SHCBP1: variants seen among roughly 807,000 people sequenced by gnomAD.
The protein encoded by SHCBP1 is SHC binding and spindle associated 1.
A neutral mutation model predicts 75.1 loss-of-function variants in SHCBP1; 60 were observed. The ratio of observed to expected loss-of-function variants is 0.80; its 90% CI spans 0.65 to 0.99. SHCBP1 has a LOEUF of 0.99. SHCBP1 is among the 50% of genes least tolerant of loss of function. The probability of loss-of-function intolerance (pLI) is 0.00; values close to 1 mark genes in which losing one functional copy is unlikely to be tolerated. For missense variants in SHCBP1, 709 were observed against 809.4 expected (o/e 0.88, Z 1.50); for synonymous variants, 290 against 293.2 (o/e 0.99, Z 0.11).
rs563232236 is a variant in SHCBP1, at chr16:46,620,015, C to T, written c.103+1242G>A. 2.6e-5 allele frequency among the ~76,000 whole-genome samples: 4 copies of T among 152,022 alleles called. No homozygotes were observed. In the East Asian group the frequency reaches 5.8e-4, roughly 22 times the overall value. On this transcript the variant is annotated intron_variant, in intron 1 of 12. Coordinates refer to ENST00000303383, the MANE Select transcript of SHCBP1 (RefSeq NM_024745.5). Reference sequence around the variant, plus strand: ...GTGTGCCACTGCACTCCAGCCTGGGCAACAGAGTGAGACTCTGCCTCAAAA... The same window carrying T: ...GTGTGCCACTGCACTCCAGCCTGGGTAACAGAGTGAGACTCTGCCTCAAAA...
At chr16:46,593,405 T>A (rs184840323) in intron 10 of SHCBP1, among the ~76,000 whole-genome samples, 1 of 152,308 alleles carries the variant, frequency 6.6e-6, no homozygotes, top group East Asian at 1.9e-4. Context: ...ACAACATTTG[T>A]ATGCTGAAGA....
intron 4 of SHCBP1, among the ~76,000 whole-genome samples, chr16:46,610,449 T>G (rs1263938040): frequency 2.0e-5 from 3 of 151,754 alleles, no homozygotes; most frequent in South Asian, 2.1e-4. Flanking sequence ...AAATCGCTGT[T>G]AGCCTACACA....
chr16:46,599,927 T>G lies in SHCBP1; in HGVS notation c.1249A>C (p.Arg417=), dbSNP rs1013524299. 1 of 1,613,522 alleles carries G rather than the reference T, an allele frequency of 6.2e-7. No homozygotes were observed. Among genetic ancestry groups the G allele is most frequent in the Middle Eastern group, 1.7e-4 (1 of 6,056 alleles). The change falls in exon 9 of 13, where the codon AGG becomes CGG. Residue 417 remains arginine (R), a synonymous_variant. Coordinates refer to ENST00000303383, the MANE Select transcript of SHCBP1 (RefSeq NM_024745.5). The stretch of plus-strand genomic sequence containing the variant: ...TCCACAAAAGTGTCGCCTTTGCCCC[T>G]CTTTTCTATCACAATGTCATCTGGT... ...GLPDDIVIEK[R]GKGDTFVDCT...
chr16:46,600,058 G>A, intron 8 of SHCBP1, 96 bp from the exon 9 acceptor site: 1 of 1,344,382 alleles, frequency 7.4e-7, no homozygotes, highest in South Asian at 1.4e-5. Context: ...AATGACTGCA[G>A]ATGATAATGA....
chr16:46,600,644 G>A (rs950348953), intron 8 of SHCBP1, among the ~76,000 whole-genome samples: 1 of 152,102 alleles, frequency 6.6e-6, no homozygotes, highest in African/African-American at 2.4e-5. Context: ...CTCTTAAACA[G>A]TTGGCTTAAA....
chr16:46,621,355 G>A lies in SHCBP1; in HGVS notation c.5C>T (p.Ala2Val), dbSNP rs1965590499. The A allele has an allele frequency of 6.2e-7, 1 of 1,610,874 alleles. No homozygotes were observed. Among genetic ancestry groups the A allele is most frequent in the South Asian group, 1.1e-5 (1 of 90,964 alleles). Residue 2 changes from alanine to valine, a missense_variant, in exon 1 of 13, where the codon GCT (alanine) becomes GTT (valine). Ala to Val is a moderately conservative substitution (Grantham distance 64, BLOSUM62 0). Transcript: ENST00000303383. Reference protein sequence around the residue: MADGSLTGGGLE... With the variant: MVDGSLTGGGLE... The stretch of plus-strand genomic sequence containing the variant: ...ACCGCCGCCCGTCAGCGACCCGTCA[G>A]CCATTTCAAATTTCCGCGGACGGCA...
Position 46,616,038 on chromosome 16 carries a change from C to T in SHCBP1, c.504G>A (p.Leu168=). The T allele has an allele frequency of 6.2e-7, 1 of 1,614,180 alleles. No homozygotes were observed. The highest frequency in any genetic ancestry group is 8.5e-7 in the Non-Finnish European group (1 of 1,180,008). ...TMECMKELLD[L]KEHRLPLQEL... ...CCTGCAGGGGCAACCGATGCTCCTT[C>T]AGATCAAGGAGCTCCTTCATGCACT... Residue 168 remains leucine, a synonymous_variant, in exon 4 of 13, where the codon CTG becomes CTA. Transcript: ENST00000303383. The surrounding 1 kb of genome is among the most constrained non-coding windows in gnomAD (Gnocchi z 4.4).
intron 9 of SHCBP1, among the ~76,000 whole-genome samples, chr16:46,596,026 G>A (rs1377989166): frequency 6.6e-6 from 1 of 152,120 alleles, no homozygotes; most frequent in Non-Finnish European, 1.5e-5. Flanking sequence ...TTACTCCCAT[G>A]TGGAGATAAC....
In SHCBP1 at chr16:46,618,125, G is replaced by A. The variant is rs532920965; in HGVS notation, c.271+80C>T. ...TGGGAGGCGGAGGTTGCGGTGAGCC[G>A]AGATCGCACCATCGCACTCCAGCCT... On this transcript the variant is annotated intron_variant, in intron 2 of 12. Coordinates refer to ENST00000303383, the MANE Select transcript of SHCBP1 (RefSeq NM_024745.5). 12 of 1,392,872 alleles carry A rather than the reference G, an allele frequency of 8.6e-6. No individual in the cohort carries two copies. In the East Asian group the frequency reaches 2.2e-4, roughly 25 times the overall value. The allele number at this position is 1,392,872 out of a possible 1,614,324, so 86.3% of individuals were successfully genotyped here. A position where few individuals can be genotyped will look rare whatever the true frequency, so the allele number is the denominator to read the frequency against.
At chr16:46,587,845 A>G (rs1335790487) in intron 10 of SHCBP1, among the ~76,000 whole-genome samples, 1 of 152,186 alleles carries the variant, frequency 6.6e-6, no homozygotes. Flanking sequence ...CTCCACCCCA[A>G]ATCAACAAAA....
Position 46,615,215 on chromosome 16 carries a change from C to A in SHCBP1, c.596+731G>T, listed in dbSNP as rs982867692. On this transcript the variant is annotated intron_variant, in intron 4 of 12. Coordinates refer to ENST00000303383, the MANE Select transcript of SHCBP1 (RefSeq NM_024745.5). The stretch of plus-strand genomic sequence containing the variant: ...CTTTATTATAAGATAATACACATAA[C>A]ATAGAAAATATGTCCTAATCAACTA... Among the ~76,000 whole-genome samples, 125 of 152,160 alleles carry A rather than the reference C, an allele frequency of 8.2e-4. 7 individuals are homozygous for A. The highest frequency in any genetic ancestry group is 1.5e-5 in the Non-Finnish European group (1 of 68,042).
In SHCBP1 at chr16:46,609,442, C is replaced by CTTT. The variant is rs71158875; in HGVS notation, c.597-1056_597-1054dup. On this transcript the variant is annotated intron_variant, in intron 4 of 12. Coordinates refer to ENST00000303383, the MANE Select transcript of SHCBP1 (RefSeq NM_024745.5). The stretch of plus-strand genomic sequence containing the variant: ...TCATCAGCATCCACACTTTTCTTTT[C>CTTT]TTTTTTTTTTTTTTTTTTTTTTTTT... Among the ~76,000 whole-genome samples the CTTT allele has an allele frequency of 1.6e-3, 101 of 61,338 alleles. 9 individuals are homozygous for CTTT. Among genetic ancestry groups the CTTT allele is most frequent in the Non-Finnish European group, 1.8e-3 (66 of 35,936 alleles). The allele number at this position is 61,338 out of a possible 152,430, so 40.2% of individuals were successfully genotyped here. A position where few individuals can be genotyped will look rare whatever the true frequency, so the allele number is the denominator to read the frequency against.
intron 8 of SHCBP1, among the ~76,000 whole-genome samples, chr16:46,602,614 C>A (rs991965048): frequency 1.3e-5 from 2 of 152,080 alleles, no homozygotes; most frequent in Non-Finnish European, 2.9e-5. Flanking sequence ...TCTAAATGAA[C>A]AATAAGATTA....
chr16:46,606,979 C>A (rs1965335421), intron 5 of SHCBP1, among the ~76,000 whole-genome samples: 1 of 152,104 alleles, frequency 6.6e-6, no homozygotes, highest in South Asian at 2.1e-4. Flanking sequence ...CCCTAACACA[C>A]CCAGCTAATT....
chr16:46,610,553 T>TTTTTTTTTTTTTC, intron 4 of SHCBP1, among the ~76,000 whole-genome samples: 1 of 101,194 alleles, frequency 9.9e-6, no homozygotes, highest in Non-Finnish European at 2.0e-5. Context: ...AATTTTTTTT[T>TTTTTTTTTTTTTC]TTTTTTTTTT....
intron 5 of SHCBP1, among the ~76,000 whole-genome samples, chr16:46,605,609 C>G (rs963560038): frequency 6.6e-6 from 1 of 152,048 alleles, no homozygotes; most frequent in Non-Finnish European, 1.5e-5. Context: ...AACAAACAAA[C>G]AAACAAACAG....
chr16:46,599,692 ACTCAGC>A, intron 9 of SHCBP1, 133 bp downstream of exon 9: 1 of 367,316 alleles, frequency 2.7e-6, no homozygotes, highest in Non-Finnish European at 4.7e-6. Context: ...AAAAAAAAAA[ACTCAGC>A]ATCGTGAAGT....
At chr16:46,592,820 T>C (rs1366990471) in intron 10 of SHCBP1, among the ~76,000 whole-genome samples, 1 of 151,698 alleles carries the variant, frequency 6.6e-6, no homozygotes, top group Non-Finnish European at 1.5e-5. Flanking sequence ...TAACCCACCA[T>C]TTTCTGTTTT....
chr16:46,617,813 C>T (rs1171488877), intron 2 of SHCBP1, 64 bp from the exon 3 acceptor site: 3 of 1,246,014 alleles, frequency 2.4e-6, no homozygotes, highest in Non-Finnish European at 2.3e-6. Context: ...TTAATAAATC[C>T]ACTTTCTCAG....
Sources: gnomAD v4.1 joint callset for allele counts (sites outside exome capture counted in the v4.1 genomes callset) on GRCh38, gnomAD v4.1.1 for gene constraint, Gnocchi (gnomAD v3.1) non-coding constraint, MANE v1.5 for transcripts, NCBI Gene and HGNC (gene_info 2026-07-23, HGNC 2026-07-21) for gene names.